REV1: variants seen among roughly 807,000 people sequenced by gnomAD.
REV1 encodes translesion synthesis protein REV1.
A neutral mutation model predicts 137.4 loss-of-function variants in REV1; 42 were observed. The ratio of observed to expected loss-of-function variants is 0.31; its 90% CI spans 0.24 to 0.40. The LOEUF is 0.40. Ranked by LOEUF, REV1 falls within the 10% of genes least tolerant of loss-of-function variation. The pLI is 1.00. For missense variants in REV1, 1,282 were observed against 1,490.1 expected, an observed-to-expected ratio of 0.86 and a Z score of 2.30; for synonymous variants, 524 against 519.2, an observed-to-expected ratio of 1.01 and a Z score of -0.12.
chr2:99,462,996 G>A (rs1367747649), intron 2 of REV1, among the ~76,000 whole-genome samples: 1 of 152,050 alleles, frequency 6.6e-6, no homozygotes, highest in East Asian at 1.9e-4. Context: ...GCTGAGGCAG[G>A]AGAATTGCCT....
chr2:99,425,053 TA>T (rs1273912827), intron 9 of REV1, among the ~76,000 whole-genome samples: 1 of 152,184 alleles, frequency 6.6e-6, no homozygotes, highest in Non-Finnish European at 1.5e-5. Flanking sequence ...GAAAAAAAAT[TA>T]TAGTAAAAAC....
intron 1 of REV1, among the ~76,000 whole-genome samples, chr2:99,489,219 G>A (rs1687420711): frequency 6.6e-6 from 1 of 152,188 alleles, no homozygotes; most frequent in South Asian, 2.1e-4. Context: ...GGAAAAACAA[G>A]GGAGCAACAA....
intron 15 of REV1, 85 bp downstream of exon 15, chr2:99,407,944 C>T: frequency 1.4e-6 from 1 of 735,178 alleles, no homozygotes; most frequent in South Asian, 2.6e-5. Flanking sequence ...CCCTATACAC[C>T]AGCAATAACC....
chr2:99,438,753 G>A lies in REV1; in HGVS notation c.1061C>T (p.Ser354Phe), dbSNP rs1313243609. Reference protein sequence around the residue: ...SDCNFISNFYSHSRLHHISMW... With the variant: ...SDCNFISNFYFHSRLHHISMW... ...TGATATGTGATGCAGTCTTGAATGA[G>A]AATAGAAGTTTGAAATAAAATTGCA... Residue 354 changes from serine (S) to phenylalanine (F), a missense_variant, in exon 6 of 23, where the codon TCT becomes TTT. Transcript: ENST00000258428. 6.2e-7 allele frequency: 1 copy of A among 1,614,182 alleles called. No individual in the cohort carries two copies. Among genetic ancestry groups the A allele is most frequent in the East Asian group, 2.2e-5 (1 of 44,892 alleles).
chr2:99,419,982 G>A (rs544051996), intron 11 of REV1, among the ~76,000 whole-genome samples: 40 of 152,336 alleles, frequency 2.6e-4, no homozygotes, highest in African/African-American at 6.7e-4. Flanking sequence ...AGGCACTGAG[G>A]AGTGGAAATA....
At chr2:99,456,780 T>C (rs951776716) in intron 3 of REV1, among the ~76,000 whole-genome samples, 1 of 152,196 alleles carries the variant, frequency 6.6e-6, no homozygotes, top group African/African-American at 2.4e-5. Context: ...AAAACCTAAC[T>C]ATATCTGGAT....
chr2:99,455,816 A>G (rs746150036), intron 3 of REV1, among the ~76,000 whole-genome samples: 6 of 152,206 alleles, frequency 3.9e-5, no homozygotes, highest in Non-Finnish European at 7.3e-5. Flanking sequence ...CTTATTTGAA[A>G]TATAAGTCTG....
chr2:99,458,994 G>A (rs1683846289), intron 3 of REV1, among the ~76,000 whole-genome samples: 1 of 151,964 alleles, frequency 6.6e-6, no homozygotes. Context: ...AGATCACGAG[G>A]TCAGGAGATC....
At chr2:99,462,946 G>T (rs1376074364) in intron 2 of REV1, among the ~76,000 whole-genome samples, 1 of 151,718 alleles carries the variant, frequency 6.6e-6, no homozygotes, top group East Asian at 1.9e-4. Context: ...AAATTAGCCG[G>T]GTGCAGTGCC....
At chr2:99,462,090 G>C (rs1168570936) in intron 3 of REV1, among the ~76,000 whole-genome samples, 1 of 152,112 alleles carries the variant, frequency 6.6e-6, no homozygotes, top group African/African-American at 2.4e-5. Flanking sequence ...CTACAGACAA[G>C]AGAGTAAAAG....
intron 8 of REV1, among the ~76,000 whole-genome samples, chr2:99,432,974 G>A (rs895028377): frequency 2.0e-5 from 3 of 152,288 alleles, no homozygotes; most frequent in Non-Finnish European, 2.9e-5. Flanking sequence ...ATAAAAGGAC[G>A]TGTGTAACAA....
Position 99,438,607 on chromosome 2 carries a change from C to A in REV1, c.1207G>T (p.Asp403Tyr). ...AATTTTAATAAGTATCTACCTGTGT[C>A]AGTTACAACAAGTGCAGACCTGCCT... ...KTGRSALVVT[D>Y]TGDMSVLNSP... The change falls in exon 6 of 23, where the codon GAC becomes TAC. Residue 403 changes from aspartate (D) to tyrosine (Y), a missense_variant. Coordinates refer to ENST00000258428, the MANE Select transcript of REV1 (RefSeq NM_016316.4). The A allele has an allele frequency of 6.2e-7, 1 of 1,608,852 alleles. No individual in the cohort carries two copies. Among genetic ancestry groups the A allele is most frequent in the South Asian group, 1.1e-5 (1 of 90,944 alleles).
intron 5 of REV1, among the ~76,000 whole-genome samples, chr2:99,439,595 T>C (rs1426996110): frequency 2.0e-5 from 3 of 152,186 alleles, no homozygotes; most frequent in Non-Finnish European, 4.4e-5. Flanking sequence ...TGTTTTTTAT[T>C]TTCACTTCAG....
At chr2:99,483,423 C>G (rs908749034) in intron 1 of REV1, among the ~76,000 whole-genome samples, 2 of 152,166 alleles carry the variant, frequency 1.3e-5, no homozygotes, top group Non-Finnish European at 2.9e-5. Flanking sequence ...GTAAGCAACA[C>G]TTTGCTTAAT....
At chr2:99,404,706 A>G in intron 17 of REV1, 29 bp from the exon 18 acceptor site, 1 of 1,493,274 alleles carries the variant, frequency 6.7e-7, no homozygotes, top group South Asian at 1.2e-5. Context: ...ATGAGTAGGA[A>G]GTTAAAGCAT....
rs776290254 is a variant in REV1 at position 99,403,034 on chromosome 2, A to C, written c.3239T>G (p.Ile1080Ser). Reference protein sequence around the residue: ...EKKRNKKKKTIGSPKRIQSPL... With the variant: ...EKKRNKKKKTSGSPKRIQSPL... ...ACTCTGAATCCTTTTTGGTGAACCA[A>C]TGGTTTTTTTCTTCTTGTTTCTTTT... is the stretch of plus-strand genomic sequence containing the variant. The change falls in exon 20 of 23, where the codon ATT becomes AGT. Residue 1080 changes from isoleucine (I) to serine (S), a missense_variant. By Grantham distance (142) the Ile-to-Ser change is moderately radical. This residue lies in a region of REV1 where 170 missense variants were observed against 156.8 expected (regional missense o/e 1.08). Transcript: ENST00000258428. The C allele has an allele frequency of 1.2e-6, 2 of 1,614,050 alleles. No individual in the cohort carries two copies. The highest frequency in any genetic ancestry group is 4.5e-5 in the East Asian group (2 of 44,884).
intron 17 of REV1, among the ~76,000 whole-genome samples, chr2:99,404,990 A>G (rs1399243504): frequency 1.3e-5 from 2 of 152,226 alleles, no homozygotes; most frequent in African/African-American, 2.4e-5. Context: ...AGATATGAAT[A>G]GCCTTGGTGA....
intron 8 of REV1, among the ~76,000 whole-genome samples, chr2:99,432,318 T>C (rs189935640): frequency 6.6e-6 from 1 of 151,918 alleles, no homozygotes; most frequent in Non-Finnish European, 1.5e-5. Flanking sequence ...AGCCAAACAT[T>C]AGAACTGATC....
At chr2:99,410,431 AAAGTT>A (rs1370594375) in intron 14 of REV1, among the ~76,000 whole-genome samples, 2 of 152,284 alleles carry the variant, frequency 1.3e-5, no homozygotes, top group South Asian at 2.1e-4. Flanking sequence ...TCCATGCAGT[AAAGTT>A]AACAGCCCAA....
Sources: allele counts gnomAD v4.1 joint callset (sites outside exome capture counted in the v4.1 genomes callset), GRCh38; gene constraint gnomAD v4.1.1; regional missense constraint gnomAD v4.1.1; transcripts MANE v1.5; gene names NCBI Gene and HGNC (gene_info 2026-07-23, HGNC 2026-07-21).